The following TLL1 variants were observed in gnomAD, a reference collection of about 807,000 sequenced individuals.
The protein encoded by TLL1 is tolloid-like protein 1.
Under a neutral mutation model 128.2 loss-of-function variants are expected in TLL1, and 49 were observed. The observed-to-expected ratio is 0.38, with a 90% CI of 0.30 to 0.48. TLL1 has a LOEUF of 0.48. Ranked by LOEUF, TLL1 falls within the 20% of genes least tolerant of loss-of-function variation. The pLI, the probability that TLL1 is intolerant of heterozygous loss-of-function variation, is 0.96. For synonymous variants in TLL1, 454 were observed against 418.8 expected, an observed-to-expected ratio of 1.08 and a Z score of -1.03; for missense variants, 1,123 against 1,242.0, an observed-to-expected ratio of 0.90 and a Z score of 1.44.
chr4:166,054,183 C>A (rs1431573480), intron 12 of TLL1, among the ~76,000 whole-genome samples: 1 of 124,516 alleles, frequency 8.0e-6, no homozygotes, highest in Non-Finnish European at 1.8e-5. Context: ...GGCCATATTT[C>A]CTTGGGAAAG....
chr4:165,911,194 C>T (rs1012327989), intron 1 of TLL1, among the ~76,000 whole-genome samples: 11 of 152,118 alleles, frequency 7.2e-5, no homozygotes, highest in Admixed American at 2.6e-4. Context: ...CCTCTCACAC[C>T]CACGTTCTTC....
At chr4:165,888,552 A>ATTTTTTTTT (rs1409184134) in intron 1 of TLL1, among the ~76,000 whole-genome samples, 2 of 149,644 alleles carry the variant, frequency 1.3e-5, no homozygotes, top group Non-Finnish European at 1.5e-5. Context: ...ACACTGGAAA[A>ATTTTTTTTT]TATTTTTTTT....
At chr4:166,084,129 G>A (rs988840388) in intron 18 of TLL1, among the ~76,000 whole-genome samples, 7 of 151,996 alleles carry the variant, frequency 4.6e-5, no homozygotes, top group African/African-American at 1.7e-4. Context: ...TGCATTTTCT[G>A]GATGGTTAGT....
chr4:166,082,827 GC>G (rs1741351443), intron 18 of TLL1, among the ~76,000 whole-genome samples: 1 of 151,890 alleles, frequency 6.6e-6, no homozygotes, highest in Admixed American at 6.6e-5. Context: ...ACAGGCGCCT[GC>G]CACCACCCCT....
At chr4:166,039,977 T>A (rs1293826766) in intron 10 of TLL1, among the ~76,000 whole-genome samples, 1 of 152,182 alleles carries the variant, frequency 6.6e-6, no homozygotes, top group African/African-American at 2.4e-5. Context: ...ACATTTGTAG[T>A]TTGTGTCATA....
chr4:166,018,206 T>C (rs1738041019), intron 8 of TLL1, among the ~76,000 whole-genome samples: 1 of 152,152 alleles, frequency 6.6e-6, no homozygotes, highest in Non-Finnish European at 1.5e-5. Flanking sequence ...AAGGACTTCC[T>C]ATTCAACAAA....
At chr4:165,996,557 C>T (rs1736885061) in intron 5 of TLL1, among the ~76,000 whole-genome samples, 1 of 152,030 alleles carries the variant, frequency 6.6e-6, no homozygotes, top group Non-Finnish European at 1.5e-5. Context: ...CGAGATTACG[C>T]CACTGCACTC....
At chr4:165,961,254 A>T (rs569651774) in intron 1 of TLL1, among the ~76,000 whole-genome samples, 2 of 152,280 alleles carry the variant, frequency 1.3e-5, no homozygotes, top group Non-Finnish European at 2.9e-5. Context: ...CTAGAAATAC[A>T]CCTTACAAAG....
chr4:166,030,059 C>A (rs1738688098), intron 9 of TLL1, among the ~76,000 whole-genome samples: 1 of 151,906 alleles, frequency 6.6e-6, no homozygotes, highest in Non-Finnish European at 1.5e-5. Context: ...TTTTAAATAA[C>A]CTTTATACTG....
chr4:166,076,624 A>G (rs545485399), intron 17 of TLL1, among the ~76,000 whole-genome samples: 2 of 152,288 alleles, frequency 1.3e-5, no homozygotes, highest in South Asian at 4.1e-4. Flanking sequence ...TGTGCAGTTT[A>G]GCAATGAGCC....
At chr4:165,942,689 C>T (rs1334628661) in intron 1 of TLL1, among the ~76,000 whole-genome samples, 3 of 151,256 alleles carry the variant, frequency 2.0e-5, no homozygotes, top group Non-Finnish European at 4.4e-5. Flanking sequence ...GCTTCTGCTT[C>T]TTCCATTGTA....
At position 165,890,076 on chromosome 4, in the gene TLL1, A is replaced by G. The variant is rs201433070; in HGVS notation, c.169+16003A>G. 1.5e-4 allele frequency among the ~76,000 whole-genome samples: 23 copies of G among 152,282 alleles called. No individual in the cohort carries two copies. The East Asian group carries it at 4.3e-3, about 28-fold the overall frequency. ...CATCCTTCTTCACATGGCAGCAGCA[A>G]GGAGAAGTCCAGAGCAAAAGGGAGA... On this transcript the variant is annotated intron_variant, in intron 1 of 20. Transcript: ENST00000061240.
rs2111041349 is a variant in TLL1 at position 166,008,037 on chromosome 4, C to T, written c.906C>T (p.Asn302=). 1.9e-6 allele frequency: 3 copies of T among 1,608,614 alleles called. No homozygotes were observed. Among genetic ancestry groups the T allele is most frequent in the East Asian group, 4.5e-5 (2 of 44,710 alleles). Residue 302 remains asparagine (N), a synonymous_variant, in exon 7 of 21, where the codon AAC becomes AAT. Transcript: ENST00000061240. ...ACAGTATCATGCACTATGCCAGGAA[C>T]ACCTTCTCAAGGTTGGAGTCTCAGG... is the stretch of plus-strand genomic sequence containing the variant. The part of the protein sequence containing the change: ...DFDSIMHYAR[N]TFSRGMFLDT...
chr4:166,094,145 A>T (rs781548356), intron 19 of TLL1, among the ~76,000 whole-genome samples: 2 of 152,138 alleles, frequency 1.3e-5, no homozygotes, highest in Non-Finnish European at 2.9e-5. Context: ...ATACACACAT[A>T]GTTTACATAG....
intron 9 of TLL1, 36 bp downstream of exon 9, chr4:166,025,467 A>T: frequency 6.9e-7 from 1 of 1,455,670 alleles, no homozygotes; most frequent in Non-Finnish European, 9.6e-7. Context: ...TTTTATTCTT[A>T]TATAAGTACA....
chr4:165,929,331 G>T (rs140806201), intron 1 of TLL1, among the ~76,000 whole-genome samples: 3,422 of 152,256 alleles, frequency 0.022, 59 homozygotes, highest in Middle Eastern at 0.061. Context: ...GAGGTCAAGA[G>T]ATCAAGACCA....
chr4:165,999,640 A>AT lies in TLL1; in HGVS notation c.633-3737dup, dbSNP rs34111701. On this transcript the variant is annotated intron_variant, in intron 5 of 20. Coordinates refer to ENST00000061240, the MANE Select transcript of TLL1 (RefSeq NM_012464.5). ...GCCACAAAGTCCAGCTAATTTTTGT[A>AT]TTTTTTTTTTTTTTGTAAAAATGAG... Among the ~76,000 whole-genome samples, 1,252 of 145,402 alleles carry AT rather than the reference A, an allele frequency of 8.6e-3. 9 individuals carry two copies. The highest frequency in any genetic ancestry group is 0.014 in the African/African-American group (563 of 39,670).
intron 17 of TLL1, 98 bp from the exon 18 acceptor site, chr4:166,077,805 A>C (rs979400234): frequency 1.2e-5 from 19 of 1,563,088 alleles, no homozygotes; most frequent in Non-Finnish European, 1.7e-5. Context: ...TATTCAGGAA[A>C]ATCTTTCAAC....
At chr4:165,928,289 T>A (rs1385658433) in intron 1 of TLL1, among the ~76,000 whole-genome samples, 1 of 152,220 alleles carries the variant, frequency 6.6e-6, no homozygotes, top group Non-Finnish European at 1.5e-5. Context: ...TAGTTCCTGA[T>A]GTCTAAACGC....
Sources: allele counts gnomAD v4.1 joint callset (sites outside exome capture counted in the v4.1 genomes callset), GRCh38; gene constraint gnomAD v4.1.1; transcripts MANE v1.5; gene names NCBI Gene and HGNC (gene_info 2026-07-23, HGNC 2026-07-21).